TENM2: variants seen among roughly 807,000 people sequenced by gnomAD.
TENM2 encodes teneurin-2.
TENM2 carries 52 observed loss-of-function variants against 245.2 expected under a neutral mutation model. The observed-to-expected ratio is 0.21, with a 90% confidence interval of 0.17 to 0.27. The LOEUF (loss-of-function observed/expected upper bound fraction) is 0.27, where lower values mean the gene tolerates loss of function less well. Among genes scored for constraint, TENM2 ranks in the 10% least tolerant of loss-of-function variants. The pLI is 1.00. For missense variants in TENM2, 3,046 were observed against 3,666.8 expected (o/e 0.83, Z 4.37); for synonymous variants, 1,363 against 1,438.9 (o/e 0.95, Z 1.19).
chr5:167,097,154 C>T, the TENM2 span, among the ~76,000 whole-genome samples: 1 of 152,084 alleles, frequency 6.6e-6, no homozygotes, highest in East Asian at 1.9e-4. Context: ...TGGGTGTTTG[C>T]CGGCGCTAGT....
At chr5:167,997,907 G>A (rs570668948) in intron 5 of TENM2, among the ~76,000 whole-genome samples, 82 of 152,274 alleles carry the variant, frequency 5.4e-4, no homozygotes, top group Non-Finnish European at 8.8e-4. Flanking sequence ...CTGGCTAAGA[G>A]TCCAACCATA....
At chr5:167,469,506 G>A (rs915586017) in intron 2 of TENM2, among the ~76,000 whole-genome samples, 5 of 151,906 alleles carry the variant, frequency 3.3e-5, no homozygotes, top group South Asian at 2.1e-4. Flanking sequence ...TGGCTTTTCC[G>A]ACATTTTCTA....
At chr5:167,286,199 A>G (rs1336916252) in intron 1 of TENM2, among the ~76,000 whole-genome samples, 2 of 152,222 alleles carry the variant, frequency 1.3e-5, no homozygotes, top group African/African-American at 4.8e-5. Flanking sequence ...GATTGAAAAA[A>G]TAAATCAACA....
intron 25 of TENM2, chr5:168,229,787 A>G (rs1487567060): frequency 1.3e-5 from 2 of 152,188 alleles, no homozygotes; most frequent in African/African-American, 4.8e-5. Flanking sequence ...AAGTCTCCAC[A>G]TTAGGTTAGC....
intron 5 of TENM2, among the ~76,000 whole-genome samples, chr5:168,041,309 A>C (rs1788162134): frequency 6.6e-6 from 1 of 152,130 alleles, no homozygotes; most frequent in African/African-American, 2.4e-5. Context: ...TAATCCAGTG[A>C]GAATGAAGGG....
At chr5:167,193,056 A>G in the TENM2 span, among the ~76,000 whole-genome samples, 1 of 152,078 alleles carries the variant, frequency 6.6e-6, no homozygotes, top group Non-Finnish European at 1.5e-5. Context: ...ATGGAATCAC[A>G]GACTGAAAAC....
chr5:167,952,930 G>A (rs1780236501), intron 4 of TENM2, 108 bp downstream of exon 6: 3 of 891,506 alleles, frequency 3.4e-6, no homozygotes, highest in Non-Finnish European at 5.3e-6. Flanking sequence ...GACCCTCTGG[G>A]TATAAATAAT....
At chr5:167,009,701 C>A in the TENM2 span, among the ~76,000 whole-genome samples, 235 of 151,542 alleles carry the variant, frequency 1.6e-3, no homozygotes, top group African/African-American at 5.2e-3. Flanking sequence ...TTTTTTTTTT[C>A]CCACTGATCA....
chr5:167,752,715 G>A lies in TENM2; in HGVS notation c.503-123271G>A, dbSNP rs73801379. Among the ~76,000 whole-genome samples the A allele has an allele frequency of 2.0e-3, 298 of 152,298 alleles. 1 individual carries two copies. The highest frequency in any genetic ancestry group is 6.7e-3 in the African/African-American group (277 of 41,568). On this transcript the variant is annotated intron_variant, in intron 2 of 28. Coordinates refer to ENST00000518659, the Ensembl canonical transcript of TENM2. ...CTCTCAGCTCCACCTATACGTGAGCGTGGCTAGTCACCTAAGCTCTCTGAG... is the reference window on the plus strand; with the variant it reads ...CTCTCAGCTCCACCTATACGTGAGCATGGCTAGTCACCTAAGCTCTCTGAG...
chr5:167,871,645 C>A (rs1489257885), intron 2 of TENM2, among the ~76,000 whole-genome samples: 1 of 152,232 alleles, frequency 6.6e-6, no homozygotes, highest in Non-Finnish European at 1.5e-5. Flanking sequence ...GCTGCCTTTG[C>A]CTGTTTCCTT....
the TENM2 span, among the ~76,000 whole-genome samples, chr5:166,994,632 T>C: frequency 1.3e-5 from 2 of 152,192 alleles, no homozygotes; most frequent in African/African-American, 4.8e-5. Flanking sequence ...AAAAGGTGTA[T>C]GTCTGGGGGA....
chr5:167,787,197 G>A (rs968193033), intron 2 of TENM2, among the ~76,000 whole-genome samples: 1 of 141,664 alleles, frequency 7.1e-6, no homozygotes, highest in Admixed American at 7.0e-5. Flanking sequence ...TAGATCATGA[G>A]GCCAAGGCCT....
chr5:168,031,529 G>A (rs1787139332), intron 5 of TENM2, among the ~76,000 whole-genome samples: 1 of 152,080 alleles, frequency 6.6e-6, no homozygotes, highest in Non-Finnish European at 1.5e-5. Context: ...CATTGAATGT[G>A]GCAACCCCCC....
At chr5:168,235,043 T>G (rs923748754) in intron 25 of TENM2, among the ~76,000 whole-genome samples, 9 of 152,134 alleles carry the variant, frequency 5.9e-5, no homozygotes, top group Non-Finnish European at 1.2e-4. Flanking sequence ...GGGATGGGCG[T>G]GCCTATGTGC....
chr5:167,761,806 G>C (rs1457896508), intron 2 of TENM2, among the ~76,000 whole-genome samples: 1 of 152,100 alleles, frequency 6.6e-6, no homozygotes, highest in Admixed American at 6.6e-5. Context: ...AGCTCTTGTG[G>C]CCTTGCCATT....
At chr5:167,667,278 C>T (rs1288977650) in intron 2 of TENM2, among the ~76,000 whole-genome samples, 2 of 152,064 alleles carry the variant, frequency 1.3e-5, no homozygotes, top group Non-Finnish European at 2.9e-5. Flanking sequence ...TGGTGTTGGC[C>T]GTATTTGCCC....
At chr5:167,362,913 G>A (rs181405060) in intron 1 of TENM2, among the ~76,000 whole-genome samples, 35 of 152,048 alleles carry the variant, frequency 2.3e-4, no homozygotes, top group Admixed American at 9.2e-4. Context: ...AATATCGATC[G>A]ACTTATTGGT....
chr5:167,858,788 A>G (rs2151263246), intron 2 of TENM2, among the ~76,000 whole-genome samples: 1 of 150,326 alleles, frequency 6.7e-6, no homozygotes, highest in East Asian at 2.0e-4. Context: ...GAGCTGTCTC[A>G]GTCTTTGCCG....
intron 27 of TENM2, among the ~76,000 whole-genome samples, chr5:168,255,799 A>T (rs1444940605): frequency 2.0e-5 from 3 of 151,646 alleles, no homozygotes; most frequent in Admixed American, 2.0e-4. Context: ...TTTATTTTTT[A>T]TTTATTTATT....
Sources: allele counts gnomAD v4.1 joint callset (sites outside exome capture counted in the v4.1 genomes callset), GRCh38; gene constraint gnomAD v4.1.1; transcripts MANE v1.5; gene names NCBI Gene and HGNC (gene_info 2026-07-23, HGNC 2026-07-21).